The following OVCH1 variants were observed in gnomAD, a reference collection of about 807,000 sequenced individuals.
OVCH1 encodes ovochymase-1.
In OVCH1, 139 loss-of-function variants were observed where a neutral mutation model predicts 138.4. That is an observed-to-expected ratio of 1.00 (90% confidence interval 0.87 to 1.16). The LOEUF (loss-of-function observed/expected upper bound fraction) is 1.16. Among genes scored for constraint, OVCH1 ranks in the 50% most tolerant of loss-of-function variants. The pLI, the probability that OVCH1 is intolerant of heterozygous loss-of-function variation, is 0.00. For synonymous variants in OVCH1, 453 were observed against 467.8 expected (o/e 0.97, Z 0.41); for missense variants, 1,367 against 1,357.9 (o/e 1.01, Z -0.11).
At chr12:29,432,664 G>A (rs1175943436) in intron 27 of OVCH1, among the ~76,000 whole-genome samples, 1 of 152,178 alleles carries the variant, frequency 6.6e-6, no homozygotes, top group Non-Finnish European at 1.5e-5. Context: ...TCACTGTATA[G>A]ATGGTATTTA....
At chr12:29,452,865 G>T (rs943074884) in intron 21 of OVCH1, among the ~76,000 whole-genome samples, 1 of 152,110 alleles carries the variant, frequency 6.6e-6, no homozygotes, top group East Asian at 1.9e-4. Context: ...TTTTGTCTCC[G>T]AAAATAATCA....
At chr12:29,489,747 T>G in exon 6 of OVCH1, 1 of 1,610,940 alleles carries the variant, frequency 6.2e-7, no homozygotes. Flanking sequence ...TTCCATTTCT[T>G]GTAGGACATT....
intron 19 of OVCH1, among the ~76,000 whole-genome samples, chr12:29,460,196 G>A (rs1942083037): frequency 6.6e-6 from 1 of 152,170 alleles, no homozygotes; most frequent in Non-Finnish European, 1.5e-5. Context: ...GGTCACCTGT[G>A]ACATGGATCT....
chr12:29,408,828 G>A (rs1210615124), downstream of OVCH1, among the ~76,000 whole-genome samples: 3 of 151,962 alleles, frequency 2.0e-5, no homozygotes, highest in Non-Finnish European at 2.9e-5. Context: ...CTCATAACAT[G>A]AGTTAGGGAG....
chr12:29,491,141 G>A, exon 5 of OVCH1: 1 of 1,613,674 alleles, frequency 6.2e-7, no homozygotes, highest in Non-Finnish European at 8.5e-7. Flanking sequence ...AAGAATTCCT[G>A]GTTCAACTTT....
chr12:29,438,718 T>C (rs907731325), intron 26 of OVCH1, among the ~76,000 whole-genome samples: 3 of 152,206 alleles, frequency 2.0e-5, no homozygotes, highest in Admixed American at 1.3e-4. Flanking sequence ...ATTGAAGTAA[T>C]TTTTCCATTA....
chr12:29,477,986 C>T (rs565429860), intron 9 of OVCH1, among the ~76,000 whole-genome samples: 1 of 152,198 alleles, frequency 6.6e-6, no homozygotes, highest in African/African-American at 2.4e-5. Context: ...ATAATTTAGA[C>T]AATAAATATT....
chr12:29,486,856 C>CT, intron 7 of OVCH1: 1 of 453,852 alleles, frequency 2.2e-6, no homozygotes. Flanking sequence ...TTGTTCAGGG[C>CT]TTTTAAACCT....
chr12:29,475,453 A>G (rs1328005821), intron 13 of OVCH1, among the ~76,000 whole-genome samples: 3 of 151,038 alleles, frequency 2.0e-5, no homozygotes, highest in Non-Finnish European at 4.4e-5. Flanking sequence ...TACTTTGTAG[A>G]CAATAAGAAG....
intron 7 of OVCH1, 187 bp downstream of exon 7, chr12:29,487,506 G>T (rs557283083): frequency 3.9e-6 from 2 of 519,328 alleles, no homozygotes; most frequent in East Asian, 6.5e-5. Flanking sequence ...CAGGGATTTG[G>T]TTTGTTCAAG....
chr12:29,430,036 C>G (rs1941242613), intron 27 of OVCH1, among the ~76,000 whole-genome samples: 1 of 152,150 alleles, frequency 6.6e-6, no homozygotes, highest in African/African-American at 2.4e-5. Context: ...GTCTACATTT[C>G]AATTTATTTT....
intron 19 of OVCH1, among the ~76,000 whole-genome samples, chr12:29,461,115 C>A (rs144442159): frequency 1.1e-3 from 163 of 152,238 alleles, no homozygotes; most frequent in African/African-American, 3.8e-3. Context: ...AAGATTCATT[C>A]TTTCTTTCCT....
intron 22 of OVCH1, among the ~76,000 whole-genome samples, chr12:29,446,549 C>G (rs1941620935): frequency 6.6e-6 from 1 of 151,960 alleles, no homozygotes; most frequent in Non-Finnish European, 1.5e-5. Context: ...CCACAAAGTT[C>G]AAGCTGACAA....
chr12:29,477,256 A>C, intron 11 of OVCH1, 24 bp from the exon 12 acceptor site: 1 of 1,613,158 alleles, frequency 6.2e-7, no homozygotes, highest in Non-Finnish European at 8.5e-7. Flanking sequence ...GGGGAAATTC[A>C]AAGTGAATGG....
intron 26 of OVCH1, among the ~76,000 whole-genome samples, chr12:29,435,391 G>T (rs1205684143): frequency 1.3e-5 from 2 of 152,126 alleles, no homozygotes; most frequent in Non-Finnish European, 2.9e-5. Flanking sequence ...TTTTGAGACG[G>T]AGTCTCGCTC....
intron 19 of OVCH1, among the ~76,000 whole-genome samples, chr12:29,460,803 T>C (rs1176166261): frequency 6.6e-6 from 1 of 152,024 alleles, no homozygotes; most frequent in Non-Finnish European, 1.5e-5. Flanking sequence ...ATATCTATGA[T>C]TCCTAAAACA....
chr12:29,423,112 A>C, downstream of OVCH1: 2 of 406,662 alleles, frequency 4.9e-6, no homozygotes, highest in Non-Finnish European at 9.7e-6. Context: ...TAAACATTTT[A>C]ATGCAATTAC....
chr12:29,490,383 A>C (rs1943242409), intron 5 of OVCH1, among the ~76,000 whole-genome samples: 1 of 152,138 alleles, frequency 6.6e-6, no homozygotes, highest in Admixed American at 6.6e-5. Flanking sequence ...CCCTGCCTAA[A>C]ATTATTTATA....
intron 19 of OVCH1, among the ~76,000 whole-genome samples, chr12:29,456,258 C>T (rs1941948631): frequency 6.6e-6 from 1 of 152,138 alleles, no homozygotes; most frequent in Admixed American, 6.5e-5. Context: ...CTTTCCCTTC[C>T]ACCAAACTGA....
Sources: gnomAD v4.1 joint callset for allele counts (sites outside exome capture counted in the v4.1 genomes callset) on GRCh38, gnomAD v4.1.1 for gene constraint, MANE v1.5 for transcripts, NCBI Gene and HGNC (gene_info 2026-07-23, HGNC 2026-07-21) for gene names.